Variants in PDE1A observed in about 807,000 individuals in gnomAD.
The protein encoded by PDE1A is dual specificity calcium/calmodulin-dependent 3',5'-cyclic nucleotide phosphodiesterase 1A.
In PDE1A, 35 loss-of-function variants were observed where a neutral mutation model predicts 61.7. The observed-to-expected ratio is 0.57, with a 90% CI of 0.43 to 0.75. The LOEUF (loss-of-function observed/expected upper bound fraction) is 0.75. Among genes scored for constraint, PDE1A ranks in the 30% least tolerant of loss-of-function variants. PDE1A has a pLI of 0.00. For synonymous variants in PDE1A, 232 were observed against 213.2 expected (o/e 1.09, Z -0.77); for missense variants, 597 against 630.6 (o/e 0.95, Z 0.57).
intron 13 of PDE1A, among the ~76,000 whole-genome samples, chr2:182,175,945 C>A (rs1692723652): frequency 7.0e-6 from 1 of 143,382 alleles, no homozygotes; most frequent in African/African-American, 2.8e-5. Context: ...ATAGGGAATC[C>A]TTTCCCCATT....
intron 1 of PDE1A, among the ~76,000 whole-genome samples, chr2:182,264,878 CATATATATAT>C (rs148358464): frequency 9.4e-6 from 1 of 106,878 alleles, no homozygotes. Flanking sequence ...TATATATATA[CATATATATAT>C]ATATGTATAT....
At chr2:182,602,681 G>A in the PDE1A span, among the ~76,000 whole-genome samples, 1 of 152,140 alleles carries the variant, frequency 6.6e-6, no homozygotes, top group Non-Finnish European at 1.5e-5. Context: ...CCCATGATTG[G>A]TGGTGATTTG....
intron 1 of PDE1A, among the ~76,000 whole-genome samples, chr2:182,400,150 C>T (rs957356105): frequency 6.6e-6 from 1 of 151,946 alleles, no homozygotes; most frequent in Non-Finnish European, 1.5e-5. Context: ...TTTTTCTTCC[C>T]TAAATTCTTT....
the PDE1A span, among the ~76,000 whole-genome samples, chr2:182,567,794 TTTTC>T: frequency 1.3e-5 from 2 of 150,368 alleles, no homozygotes; most frequent in African/African-American, 2.5e-5. Context: ...TTTTTTTCTT[TTTTC>T]TTTTTTTTTT....
the PDE1A span, among the ~76,000 whole-genome samples, chr2:182,689,183 A>G: frequency 6.6e-6 from 1 of 152,220 alleles, no homozygotes; most frequent in Non-Finnish European, 1.5e-5. Flanking sequence ...CAGACTTAAT[A>G]GACATCTACA....
the PDE1A span, among the ~76,000 whole-genome samples, chr2:182,568,617 A>AG: frequency 6.6e-6 from 1 of 152,018 alleles, no homozygotes; most frequent in African/African-American, 2.4e-5. Context: ...GTGAGCCGAG[A>AG]TCACACCACT....
chr2:182,562,260 A>T, the PDE1A span, among the ~76,000 whole-genome samples: 1 of 151,986 alleles, frequency 6.6e-6, no homozygotes, highest in African/African-American at 2.4e-5. Flanking sequence ...AGTTTTTAGC[A>T]TGAAGGGTTG....
At chr2:182,224,574 G>A (rs1055765332) in intron 6 of PDE1A, among the ~76,000 whole-genome samples, 13 of 151,538 alleles carry the variant, frequency 8.6e-5, no homozygotes, top group East Asian at 1.9e-4. Flanking sequence ...ATGACTATCC[G>A]CTTTACATAC....
chr2:182,263,962 A>G (rs185124648), intron 2 of PDE1A, among the ~76,000 whole-genome samples: 10 of 152,278 alleles, frequency 6.6e-5, no homozygotes, highest in Admixed American at 6.5e-5. Flanking sequence ...AAATCCTTAC[A>G]TCAGTGAAAA....
intron 2 of PDE1A, among the ~76,000 whole-genome samples, chr2:182,454,050 G>A (rs1390672925): frequency 6.6e-6 from 1 of 152,040 alleles, no homozygotes; most frequent in Non-Finnish European, 1.5e-5. Flanking sequence ...TCCTTAAGCT[G>A]ATAAGCAACT....
intron 1 of PDE1A, among the ~76,000 whole-genome samples, chr2:182,319,643 T>C (rs941034998): frequency 3.3e-5 from 5 of 152,150 alleles, no homozygotes; most frequent in African/African-American, 1.2e-4. Context: ...AAAAGGACAA[T>C]AGAAGTAAGA....
At chr2:182,200,017 T>C (rs1267633553) in intron 10 of PDE1A, among the ~76,000 whole-genome samples, 1 of 152,038 alleles carries the variant, frequency 6.6e-6, no homozygotes, top group African/African-American at 2.4e-5. Flanking sequence ...CATCCAAACA[T>C]AGTAATATAT....
chr2:182,287,089 A>G (rs1422799218), intron 1 of PDE1A, among the ~76,000 whole-genome samples: 2 of 152,040 alleles, frequency 1.3e-5, no homozygotes, highest in Admixed American at 6.6e-5. Flanking sequence ...CAATCTCTTC[A>G]TCATGCACTA....
chr2:182,346,633 A>T (rs991976198), intron 1 of PDE1A, among the ~76,000 whole-genome samples: 2 of 152,182 alleles, frequency 1.3e-5, no homozygotes, highest in African/African-American at 4.8e-5. Context: ...GACACCTGCA[A>T]CACATCCAGT....
intron 1 of PDE1A, among the ~76,000 whole-genome samples, chr2:182,415,557 T>TA (rs1425344264): frequency 2.6e-5 from 4 of 152,200 alleles, no homozygotes; most frequent in African/African-American, 9.6e-5. Context: ...AAATGTTATT[T>TA]ATATTATGAT....
intron 1 of PDE1A, among the ~76,000 whole-genome samples, chr2:182,305,153 T>C (rs939952551): frequency 3.3e-5 from 5 of 149,694 alleles, no homozygotes; most frequent in African/African-American, 1.2e-4. Context: ...TCTTCTCCAA[T>C]CTTCTATTAA....
At chr2:182,236,249 G>A (rs1168091127) in intron 3 of PDE1A, among the ~76,000 whole-genome samples, 1 of 151,714 alleles carries the variant, frequency 6.6e-6, no homozygotes, top group South Asian at 2.1e-4. Context: ...TTACTCCATT[G>A]ATATAGGTAT....
chr2:182,436,905 T>C lies in PDE1A; in HGVS notation c.101+85371A>G, dbSNP rs561168255. On this transcript the variant is annotated intron_variant, in intron 2 of 14. Transcript: ENST00000410103. ...CACTGCCTCTCCATGATCATATTCT[T>C]AGTTTTAATAACAGCCTTTAAAAAG... Among the ~76,000 whole-genome samples the C allele has an allele frequency of 3.0e-4, 46 of 152,110 alleles. No individual in the cohort carries two copies. The South Asian group carries it at 8.9e-3, about 29-fold the overall frequency.
chr2:182,271,051 A>T (rs1692981439), intron 1 of PDE1A, among the ~76,000 whole-genome samples: 1 of 151,868 alleles, frequency 6.6e-6, no homozygotes, highest in Admixed American at 6.6e-5. Context: ...TTCCCCAAAC[A>T]ATTTCTATAA....
Sources: gnomAD v4.1 joint callset for allele counts (sites outside exome capture counted in the v4.1 genomes callset) on GRCh38, gnomAD v4.1.1 for gene constraint, MANE v1.5 for transcripts, NCBI Gene and HGNC (gene_info 2026-07-23, HGNC 2026-07-21) for gene names.